Variants in WDR19 observed in about 807,000 individuals in gnomAD.
WDR19 encodes the protein WD repeat domain 19, also known as WD repeat-containing protein 19.
Under a neutral mutation model 180.0 loss-of-function variants are expected in WDR19, and 121 were observed. That is an observed-to-expected ratio of 0.67 (90% CI 0.58 to 0.78). The LOEUF is 0.78. Ranked by LOEUF, WDR19 falls within the 30% of genes least tolerant of loss-of-function variation. The probability of loss-of-function intolerance (pLI) is 0.00; values close to 1 mark genes in which losing one functional copy is unlikely to be tolerated. For missense variants in WDR19, 1,450 were observed against 1,640.7 expected, an observed-to-expected ratio of 0.88 and a Z score of 2.01; for synonymous variants, 497 against 540.7, an observed-to-expected ratio of 0.92 and a Z score of 1.12.
At chr4:39,213,472 A>G (rs1428747113) in intron 9 of WDR19, among the ~76,000 whole-genome samples, 1 of 152,244 alleles carries the variant, frequency 6.6e-6, no homozygotes, top group Non-Finnish European at 1.5e-5. Flanking sequence ...AGCCAGTCTC[A>G]ACAGGTTGCA....
At chr4:39,209,484 T>C (rs769626013) in intron 9 of WDR19, among the ~76,000 whole-genome samples, 5 of 151,604 alleles carry the variant, frequency 3.3e-5, no homozygotes, top group Non-Finnish European at 5.9e-5. Context: ...AAAAGAAAAT[T>C]GTGAAATGGA....
At position 39,240,340 on chromosome 4, in the gene WDR19, C is replaced by A; in HGVS notation, c.2421+6C>A. The A allele has an allele frequency of 7.0e-7, 1 of 1,419,506 alleles. No homozygotes were observed. The highest frequency in any genetic ancestry group is 1.7e-5 in the South Asian group (1 of 58,148). 87.9% of individuals were successfully genotyped at this position (1,419,506 alleles called of 1,614,324 possible). ...GAATAACAGGTGATAATAAGGTAAC[C>A]TTGGATAAAGATAAGATATGCCTAA... On this transcript the variant is annotated splice_donor_region_variant and intron_variant, in intron 21 of 36. Transcript: ENST00000399820.
At chr4:39,208,507 A>G (rs1262581864) in intron 9 of WDR19, among the ~76,000 whole-genome samples, 2 of 151,898 alleles carry the variant, frequency 1.3e-5, no homozygotes, top group Non-Finnish European at 2.9e-5. Context: ...GGGTTGTACC[A>G]TGTTGGCAGG....
intron 18 of WDR19, 60 bp from the exon 19 acceptor site, chr4:39,232,099 TAAA>T: frequency 1.5e-5 from 20 of 1,299,352 alleles, no homozygotes; most frequent in East Asian, 2.5e-5. Flanking sequence ...TCAAAGTCCT[TAAA>T]AAAAAAAAAA....
chr4:39,273,034 G>T lies in WDR19; in HGVS notation c.3538G>T (p.Ala1180Ser). The T allele has an allele frequency of 1.2e-6, 2 of 1,605,034 alleles. No individual in the cohort carries two copies. Among genetic ancestry groups the T allele is most frequent in the Non-Finnish European group, 1.7e-6 (2 of 1,175,994 alleles). ...MKGARMLIRV[A>S]NNISKFPSHI... is the part of the protein sequence containing the mutation. ...AGGGGCTCGCATGCTCATTCGGGTG[G>T]CCAACAACATCAGCAAATTTCCATC... Residue 1180 changes from alanine (A) to serine (S), a missense_variant, in exon 32 of 37, where the codon GCC becomes TCC. Ala to Ser is a moderately conservative substitution (Grantham distance 99). Transcript: ENST00000399820.
chr4:39,269,966 T>C lies in WDR19; in HGVS notation c.3359-10T>C. The C allele has an allele frequency of 6.2e-7, 1 of 1,612,474 alleles. No homozygotes were observed. The highest frequency in any genetic ancestry group is 8.5e-7 in the Non-Finnish European group (1 of 1,178,878). Reference sequence around the variant, plus strand: ...TTTGCAGTAATGTCGTTTTACCACCTTTTTTCAAGGCAACTACCGGAATGC... The same window carrying C: ...TTTGCAGTAATGTCGTTTTACCACCCTTTTTCAAGGCAACTACCGGAATGC... On this transcript the variant is annotated splice_polypyrimidine_tract_variant and intron_variant, in intron 30 of 36. Transcript: ENST00000399820.
chr4:39,253,166 C>T lies in WDR19; in HGVS notation c.2750C>T (p.Ala917Val). The T allele has an allele frequency of 6.2e-7, 1 of 1,608,304 alleles. No individual in the cohort carries two copies. The highest frequency in any genetic ancestry group is 1.1e-5 in the South Asian group (1 of 88,956). ...TACAGATACAAAGAAGCTGTTGTAG[C>T]TTATGAAAATGCAAAACAGTGGCAA... ...ADGRYKEAVV[A>V]YENAKQWQSV... Residue 917 changes from alanine to valine, a missense_variant, in exon 25 of 37, where the codon GCT becomes GTT. By Grantham distance (64) the Ala-to-Val change is moderately conservative. Transcript: ENST00000399820.
At chr4:39,245,869 T>C (rs1732467353) in intron 24 of WDR19, among the ~76,000 whole-genome samples, 1 of 152,246 alleles carries the variant, frequency 6.6e-6, no homozygotes, top group South Asian at 2.1e-4. Context: ...TTGCTTAAGC[T>C]GCTTAACTAT....
chr4:39,234,906 G>A lies in WDR19; in HGVS notation c.2363+31G>A, dbSNP rs541859554. The A allele has an allele frequency of 2.2e-6, 3 of 1,341,456 alleles. No individual in the cohort carries two copies. In the East Asian group the frequency reaches 7.5e-5, roughly 34 times the overall value. 83.1% of individuals were successfully genotyped at this position (1,341,456 alleles called of 1,614,324 possible). On this transcript the variant is annotated intron_variant, in intron 20 of 36. Coordinates refer to ENST00000399820, the MANE Select transcript of WDR19 (RefSeq NM_025132.4). Reference sequence around the variant, plus strand: ...TCTTTGTTTTTATACATTTCAGTCAGTAGCTAATGACTGCAAATATCTTCA... The same window carrying A: ...TCTTTGTTTTTATACATTTCAGTCAATAGCTAATGACTGCAAATATCTTCA...
intron 5 of WDR19, among the ~76,000 whole-genome samples, chr4:39,196,048 T>G (rs2109269625): frequency 6.6e-6 from 1 of 152,252 alleles, no homozygotes; most frequent in East Asian, 1.9e-4. Context: ...GATTTTCTTC[T>G]CCCTTTCTTG....
chr4:39,258,334 G>GT (rs768437398), intron 28 of WDR19, among the ~76,000 whole-genome samples: 36 of 152,056 alleles, frequency 2.4e-4, no homozygotes, highest in Non-Finnish European at 4.3e-4. Flanking sequence ...TGTATTTTTA[G>GT]TAGAGACGGG....
intron 31 of WDR19, among the ~76,000 whole-genome samples, chr4:39,271,061 A>AT (rs1056512327): frequency 4.0e-5 from 6 of 151,728 alleles, no homozygotes; most frequent in Non-Finnish European, 8.8e-5. Flanking sequence ...CACCCGGCTA[A>AT]TTTTTTTGTA....
chr4:39,254,241 T>C (rs1733540466), intron 26 of WDR19, among the ~76,000 whole-genome samples: 1 of 152,200 alleles, frequency 6.6e-6, no homozygotes, highest in Non-Finnish European at 1.5e-5. Context: ...TAAAAAGGAC[T>C]ATTTTCAAAA....
At chr4:39,263,923 T>TAAAAA (rs11461352) in intron 28 of WDR19, among the ~76,000 whole-genome samples, 1 of 140,454 alleles carries the variant, frequency 7.1e-6, no homozygotes, top group Non-Finnish European at 1.5e-5. Flanking sequence ...AAACTCCATC[T>TAAAAA]AAAAAAAAAA....
intron 34 of WDR19, 53 bp from the exon 35 acceptor site, chr4:39,278,078 G>C: frequency 1.4e-6 from 2 of 1,447,686 alleles, no homozygotes; most frequent in Admixed American, 2.2e-5. Context: ...TTGACTAACA[G>C]TGGGAGTTTT....
chr4:39,207,917 G>C (rs1328676880), intron 9 of WDR19, among the ~76,000 whole-genome samples: 1 of 152,062 alleles, frequency 6.6e-6, no homozygotes, highest in African/African-American at 2.4e-5. Context: ...GCTCAGTAGG[G>C]TGTTTAATGC....
intron 5 of WDR19, 37 bp from the exon 6 acceptor site, chr4:39,199,436 TGAGAA>T: frequency 6.6e-7 from 1 of 1,508,304 alleles, no homozygotes; most frequent in Non-Finnish European, 9.1e-7. Flanking sequence ...TTTTTTTCTT[TGAGAA>T]ATCCACATGT....
intron 19 of WDR19, among the ~76,000 whole-genome samples, chr4:39,233,653 A>G (rs1731106400): frequency 6.6e-6 from 1 of 152,134 alleles, no homozygotes; most frequent in African/African-American, 2.4e-5. Flanking sequence ...TCTATAGCAA[A>G]TTTTCATTTT....
intron 26 of WDR19, among the ~76,000 whole-genome samples, chr4:39,254,786 C>A (rs112078258): frequency 0.013 from 2,002 of 152,200 alleles, 47 homozygotes; most frequent in Middle Eastern, 0.02. Flanking sequence ...TCCCCATTGC[C>A]CTCTTTCCCC....
Sources: gnomAD v4.1 joint callset for allele counts (sites outside exome capture counted in the v4.1 genomes callset) on GRCh38, gnomAD v4.1.1 for gene constraint, MANE v1.5 for transcripts, NCBI Gene and HGNC (gene_info 2026-07-23, HGNC 2026-07-21) for gene names.